PPP2R3B: variants seen among roughly 807,000 people sequenced by gnomAD.
The protein encoded by PPP2R3B is protein phosphatase 2 regulatory subunit B''beta, also known as serine/threonine-protein phosphatase 2A regulatory subunit B'' subunit beta.
Under a neutral mutation model 72.9 loss-of-function variants are expected in PPP2R3B, and 68 were observed. The ratio of observed to expected loss-of-function variants is 0.93; its 90% CI spans 0.77 to 1.14. The LOEUF (loss-of-function observed/expected upper bound fraction) is 1.14, where lower values mean the gene tolerates loss of function less well. Among genes scored for constraint, PPP2R3B ranks in the 50% most tolerant of loss-of-function variants. The probability of loss-of-function intolerance (pLI) is 0.00; values close to 1 mark genes in which losing one functional copy is unlikely to be tolerated. For missense variants in PPP2R3B, 1,018 were observed against 842.0 expected, an observed-to-expected ratio of 1.21 and a Z score of -2.59; for synonymous variants, 466 against 375.8, an observed-to-expected ratio of 1.24 and a Z score of -2.78.
intron 1 of PPP2R3B, among the ~76,000 whole-genome samples, chrX:373,343 G>A (rs1291029394): frequency 6.6e-6 from 1 of 152,220 alleles, no homozygotes; most frequent in Non-Finnish European, 1.5e-5. Flanking sequence ...TTTCGGCGGC[G>A]TGCGGCCCGA....
rs1455221258 is a variant in PPP2R3B, at chrX:357,173, C to T, written c.510+4232G>A. ...ACCGGAAGCACATCTGCAGCTGGCC[C>T]GGGCCAGGGAGAAAAGAGGGGAATG... On this transcript the variant is annotated intron_variant, in intron 2 of 12. Transcript: ENST00000390665. Among the ~76,000 whole-genome samples the T allele has an allele frequency of 3.6e-5, 5 of 140,528 alleles. No homozygotes were observed. The East Asian group carries it at 6.6e-4, about 19-fold the overall frequency. The allele number at this position is 140,528 out of a possible 152,430, so 92.2% of individuals were successfully genotyped here.
chrX:381,397 G>A (rs2072120925), intron 1 of PPP2R3B, among the ~76,000 whole-genome samples: 1 of 152,052 alleles, frequency 6.6e-6, no homozygotes, highest in Non-Finnish European at 1.5e-5. Context: ...AATGGACCTA[G>A]CGTGAACCCT....
intron 1 of PPP2R3B, among the ~76,000 whole-genome samples, chrX:364,528 AAAAAAACAGAAAAC>A (rs2071649017): frequency 1.4e-5 from 2 of 147,834 alleles, no homozygotes; most frequent in African/African-American, 2.5e-5. Flanking sequence ...AAACAAAAAA[AAAAAAACAGAAAAC>A]AAAAAACAAA....
In PPP2R3B at chrX:345,229, C is replaced by T. The variant is rs767056385; in HGVS notation, c.1036+287G>A. On this transcript the variant is annotated intron_variant, in intron 7 of 12. Coordinates refer to ENST00000390665, the MANE Select transcript of PPP2R3B (RefSeq NM_013239.5). ...GGGTGTTAACAAGGAAGCCCCACAG[C>T]GCTGCTGGCCCTCGGGCCAGGAGCT... 7.6e-5 allele frequency: 50 copies of T among 653,950 alleles called. No individual in the cohort carries two copies. The Admixed American group carries it at 1.0e-3, about 14-fold the overall frequency. The allele number at this position is 653,950 out of a possible 1,614,324, so 40.5% of individuals were successfully genotyped here.
Position 338,844 on chromosome X carries a change from G to C in PPP2R3B, c.1404C>G (p.Phe468Leu). Residue 468 changes from phenylalanine (F) to leucine (L), a missense_variant, in exon 11 of 13, where the codon TTC becomes TTG. Coordinates refer to ENST00000390665, the MANE Select transcript of PPP2R3B (RefSeq NM_013239.5). ...LKRCKLANVF[F>L]DTFFNIEKYL... ...ACTTCTCGATGTTGAAGAAGGTGTCGAAGAAGACGTTAGCCAGCTTGCAGC... is the reference window on the plus strand; with the variant it reads ...ACTTCTCGATGTTGAAGAAGGTGTCCAAGAAGACGTTAGCCAGCTTGCAGC... The C allele has an allele frequency of 6.2e-7, 1 of 1,612,458 alleles. No individual in the cohort carries two copies. Among genetic ancestry groups the C allele is most frequent in the African/African-American group, 1.3e-5 (1 of 75,038 alleles).
chrX:347,822 G>A (rs1472642888), intron 2 of PPP2R3B, 129 bp from the exon 3 acceptor site: 12 of 654,728 alleles, frequency 1.8e-5, no homozygotes, highest in Middle Eastern at 4.2e-4. Flanking sequence ...CGCTCAGCGC[G>A]GCCTGTCTGG....
intron 1 of PPP2R3B, among the ~76,000 whole-genome samples, chrX:378,657 C>T (rs1359039188): frequency 3.9e-5 from 6 of 151,930 alleles, no homozygotes; most frequent in South Asian, 2.1e-4. Context: ...TCTCAGGAAA[C>T]GGCATGGTTC....
Position 386,497 on chromosome X carries a change from GGC to G in PPP2R3B, c.193_194del (p.Ala65ProfsTer37). The G allele has an allele frequency of 7.7e-7, 1 of 1,290,482 alleles. No homozygotes were observed. Among genetic ancestry groups the G allele is most frequent in the South Asian group, 2.6e-5 (1 of 38,548 alleles). The allele number at this position is 1,290,482 out of a possible 1,614,324, so 79.9% of individuals were successfully genotyped here. On this transcript the variant is annotated frameshift_variant, in exon 1 of 13. Transcript: ENST00000390665. LOFTEE classifies it high-confidence loss of function. ...PGAWPTAPLA[A>X]PRPSGLEPPG... ...GGGGTTCGAGCCCGCTGGGCCGGGG[GGC>G]GGCGAGCGGGGCTGTGGGCCAGGCC... is the stretch of plus-strand genomic sequence containing the variant.
At chrX:341,463 CCT>C (rs1267839953) in intron 8 of PPP2R3B, 67 bp from the exon 9 acceptor site, 2 of 1,543,104 alleles carry the variant, frequency 1.3e-6, no homozygotes, top group Non-Finnish European at 1.8e-6. Flanking sequence ...GAACGGAGCC[CCT>C]GTCCACGCGC....
chrX:377,840 C>T (rs1287691021), intron 1 of PPP2R3B, among the ~76,000 whole-genome samples: 3 of 123,120 alleles, frequency 2.4e-5, no homozygotes, highest in African/African-American at 7.6e-5. Flanking sequence ...TATGCAGGGA[C>T]GGGCCGTCCA....
intron 1 of PPP2R3B, among the ~76,000 whole-genome samples, chrX:363,805 G>C (rs2071618416): frequency 6.6e-6 from 1 of 152,182 alleles, no homozygotes; most frequent in Admixed American, 6.5e-5. Flanking sequence ...TCATCACGCT[G>C]GGTTCACACA....
rs1403765277 is a variant in PPP2R3B at position 334,138 on chromosome X, G to T, written c.*229C>A. ...ACGGCAAGCGCCAGAGGGTGTCCGT[G>T]TGGGAACCCGTCCCATTCACGCGCG... On this transcript the variant is annotated 3_prime_UTR_variant, in exon 13 of 13. Coordinates refer to ENST00000390665, the MANE Select transcript of PPP2R3B (RefSeq NM_013239.5). The T allele has an allele frequency of 4.2e-5, 18 of 429,028 alleles. No individual in the cohort carries two copies. Among genetic ancestry groups the T allele is most frequent in the Non-Finnish European group, 5.6e-5 (14 of 250,918 alleles). 26.6% of individuals were successfully genotyped at this position (429,028 alleles called of 1,614,324 possible).
intron 12 of PPP2R3B, 140 bp from the exon 13 acceptor site, chrX:334,657 G>T: frequency 2.0e-6 from 2 of 993,896 alleles, no homozygotes; most frequent in Non-Finnish European, 2.7e-6. Flanking sequence ...CAGCCGCTGA[G>T]CCAGCAACGC....
chrX:353,118 C>CA (rs2071364379), intron 2 of PPP2R3B, among the ~76,000 whole-genome samples: 1 of 151,934 alleles, frequency 6.6e-6, no homozygotes, highest in African/African-American at 2.4e-5. Flanking sequence ...TCAGGCCTGT[C>CA]ATCCCAGCAC....
intron 12 of PPP2R3B, chrX:335,724 C>T (rs1157275939): frequency 6.6e-6 from 1 of 152,188 alleles, no homozygotes; most frequent in Non-Finnish European, 1.5e-5. Context: ...CCTCGTCGGC[C>T]CCTCGCCTCA....
At chrX:351,942 G>A (rs1000047669) in intron 2 of PPP2R3B, among the ~76,000 whole-genome samples, 10 of 152,122 alleles carry the variant, frequency 6.6e-5, no homozygotes, top group South Asian at 2.1e-4. Context: ...CCATCCTCCC[G>A]CCTTGGCCTC....
At chrX:378,216 C>T (rs547190247) in intron 1 of PPP2R3B, among the ~76,000 whole-genome samples, 63 of 152,308 alleles carry the variant, frequency 4.1e-4, no homozygotes, top group African/African-American at 1.4e-3. Context: ...CTCACGGCAC[C>T]CGAATCTCCA....
intron 2 of PPP2R3B, among the ~76,000 whole-genome samples, chrX:358,258 C>T (rs767335512): frequency 6.6e-6 from 1 of 152,376 alleles, no homozygotes; most frequent in South Asian, 2.1e-4. Flanking sequence ...GCTCAGCAGC[C>T]TTGGCGGGGA....
At chrX:371,415 C>T (rs1383429268) in intron 1 of PPP2R3B, among the ~76,000 whole-genome samples, 3 of 152,084 alleles carry the variant, frequency 2.0e-5, no homozygotes, top group Non-Finnish European at 2.9e-5. Flanking sequence ...TCAAGGATGC[C>T]GGTGACAGGG....
Sources: allele counts gnomAD v4.1 joint callset (sites outside exome capture counted in the v4.1 genomes callset), GRCh38; gene constraint gnomAD v4.1.1; transcripts MANE v1.5; gene names NCBI Gene and HGNC (gene_info 2026-07-23, HGNC 2026-07-21).